Variants in CDH18 observed in about 807,000 individuals in gnomAD.
CDH18 encodes the protein cadherin-18.
In CDH18, 31 loss-of-function variants were observed where a neutral mutation model predicts 67.9. The ratio of observed to expected loss-of-function variants is 0.46; its 90% CI spans 0.34 to 0.62. CDH18 has a LOEUF of 0.62. Among genes scored for constraint, CDH18 ranks in the 20% least tolerant of loss-of-function variants. The pLI is 0.01. For synonymous variants in CDH18, 362 were observed against 347.2 expected, an observed-to-expected ratio of 1.04 and a Z score of -0.48; for missense variants, 890 against 975.5, an observed-to-expected ratio of 0.91 and a Z score of 1.17.
At chr5:20,271,191 CTT>C (rs911101341) in intron 1 of CDH18, among the ~76,000 whole-genome samples, 1 of 151,918 alleles carries the variant, frequency 6.6e-6, no homozygotes, top group African/African-American at 2.4e-5. Context: ...AAGGAGGAAA[CTT>C]ATTTTTTCAC....
intron 1 of CDH18, among the ~76,000 whole-genome samples, chr5:20,414,098 T>A (rs1747060298): frequency 6.6e-6 from 1 of 152,180 alleles, no homozygotes; most frequent in Non-Finnish European, 1.5e-5. Flanking sequence ...TTACTGGAGA[T>A]GGAAATTAGT....
At chr5:19,590,308 T>G (rs1013737511) in intron 7 of CDH18, among the ~76,000 whole-genome samples, 14 of 152,130 alleles carry the variant, frequency 9.2e-5, no homozygotes, top group Non-Finnish European at 1.9e-4. Flanking sequence ...TGGTGATTAT[T>G]GTTCTCTAAG....
chr5:19,674,159 C>A (rs551211232), intron 5 of CDH18, among the ~76,000 whole-genome samples: 1 of 152,046 alleles, frequency 6.6e-6, no homozygotes, highest in East Asian at 1.9e-4. Flanking sequence ...AAGGACCAAA[C>A]TTAATGGATA....
chr5:19,797,421 T>G (rs1776974972), intron 3 of CDH18, among the ~76,000 whole-genome samples: 1 of 151,960 alleles, frequency 6.6e-6, no homozygotes, highest in South Asian at 2.1e-4. Context: ...TTATTTTCCA[T>G]GTAGCAAATC....
intron 2 of CDH18, among the ~76,000 whole-genome samples, chr5:20,183,412 A>C (rs1214169349): frequency 6.6e-6 from 1 of 152,094 alleles, no homozygotes. Flanking sequence ...TTGACTAATA[A>C]AATTTTAATA....
rs559422640 is a variant in CDH18, at chr5:19,743,746, C to A, written c.523+3196G>T. ...GACCAGCCTGGCCAACATGGCAAGACCCCGTCTCTACTAAAATTACAAACT... is the reference window on the plus strand; with the variant it reads ...GACCAGCCTGGCCAACATGGCAAGAACCCGTCTCTACTAAAATTACAAACT... On this transcript the variant is annotated intron_variant, in intron 4 of 12. Coordinates refer to ENST00000382275, the MANE Select transcript of CDH18 (RefSeq NM_004934.5). 9.2e-5 allele frequency among the ~76,000 whole-genome samples: 14 copies of A among 152,044 alleles called. No individual in the cohort carries two copies. In the East Asian group the frequency reaches 2.5e-3, roughly 27 times the overall value.
chr5:19,696,708 G>A (rs1762587821), intron 5 of CDH18, among the ~76,000 whole-genome samples: 1 of 152,060 alleles, frequency 6.6e-6, no homozygotes. Context: ...ATATTTTTCA[G>A]TTGAATCCTG....
chr5:19,663,131 A>C (rs531515695), intron 5 of CDH18, among the ~76,000 whole-genome samples: 126 of 152,118 alleles, frequency 8.3e-4, no homozygotes, highest in Non-Finnish European at 1.6e-3. Flanking sequence ...AAAGATAATA[A>C]AATTAATGCT....
chr5:20,042,308 T>C (rs1443947538), intron 2 of CDH18, among the ~76,000 whole-genome samples: 2 of 152,244 alleles, frequency 1.3e-5, no homozygotes, highest in Non-Finnish European at 2.9e-5. Context: ...CAGAACAGCA[T>C]TCTCTGAATT....
intron 7 of CDH18, among the ~76,000 whole-genome samples, chr5:19,577,101 A>T (rs10036178): frequency 0.037 from 5,692 of 152,222 alleles, 307 homozygotes; most frequent in African/African-American, 0.12. Context: ...AGAGGTGAGT[A>T]GGAAAAGGGG....
rs186700960 is a variant in CDH18, at chr5:19,722,644, T to C, written c.524-1178A>G. Among the ~76,000 whole-genome samples the C allele has an allele frequency of 6.6e-5, 10 of 151,870 alleles. No individual in the cohort carries two copies. In the East Asian group the frequency reaches 1.6e-3, roughly 24 times the overall value. On this transcript the variant is annotated intron_variant, in intron 4 of 12. Coordinates refer to ENST00000382275, the MANE Select transcript of CDH18 (RefSeq NM_004934.5). ...ATATATTAAGGGATATACAGCTTCATTGCAGAATTAGTGGGTAAGAATGCT... is the reference window on the plus strand; with the variant it reads ...ATATATTAAGGGATATACAGCTTCACTGCAGAATTAGTGGGTAAGAATGCT...
At chr5:20,505,953 GCCTGGTC>G (rs553954868) in intron 1 of CDH18, among the ~76,000 whole-genome samples, 73 of 152,248 alleles carry the variant, frequency 4.8e-4, no homozygotes, top group African/African-American at 1.7e-3. Context: ...CATGTGCTAT[GCCTGGTC>G]CCTGTGGCTT....
chr5:20,154,499 G>C (rs1751371497), intron 2 of CDH18, among the ~76,000 whole-genome samples: 1 of 151,830 alleles, frequency 6.6e-6, no homozygotes, highest in Admixed American at 6.6e-5. Flanking sequence ...AATTGCTTTT[G>C]GAGACAAAAC....
chr5:19,817,293 T>A (rs772919221), intron 3 of CDH18, among the ~76,000 whole-genome samples: 1 of 151,984 alleles, frequency 6.6e-6, no homozygotes, highest in African/African-American at 2.4e-5. Flanking sequence ...TACTGCAACA[T>A]CTATGGAGGA....
At chr5:19,753,422 T>G (rs1372807032) in intron 3 of CDH18, among the ~76,000 whole-genome samples, 4 of 152,074 alleles carry the variant, frequency 2.6e-5, no homozygotes, top group Non-Finnish European at 5.9e-5. Flanking sequence ...ATTCAACAAG[T>G]AGAAGAAAGA....
intron 2 of CDH18, among the ~76,000 whole-genome samples, chr5:20,127,067 G>A (rs1254637365): frequency 6.6e-6 from 1 of 152,156 alleles, no homozygotes; most frequent in East Asian, 1.9e-4. Context: ...ATCTCACATA[G>A]AATTGCAATC....
intron 2 of CDH18, among the ~76,000 whole-genome samples, chr5:20,184,511 T>C (rs1737942215): frequency 6.6e-6 from 1 of 152,126 alleles, no homozygotes. Flanking sequence ...TGCCTCTGCA[T>C]ATCACTGTTT....
intron 1 of CDH18, among the ~76,000 whole-genome samples, chr5:20,558,241 AAG>A (rs2126639812): frequency 6.6e-6 from 1 of 152,240 alleles, no homozygotes; most frequent in South Asian, 2.1e-4. Flanking sequence ...GAATAGGACA[AAG>A]AGGTAAAAAT....
intron 2 of CDH18, among the ~76,000 whole-genome samples, chr5:19,972,185 G>C (rs2150338927): frequency 6.6e-6 from 1 of 152,130 alleles, no homozygotes; most frequent in South Asian, 2.1e-4. Context: ...TTTTAGCACA[G>C]CCTTTGTTTT....
Sources: allele counts gnomAD v4.1 joint callset (sites outside exome capture counted in the v4.1 genomes callset), GRCh38; gene constraint gnomAD v4.1.1; transcripts MANE v1.5; gene names NCBI Gene and HGNC (gene_info 2026-07-23, HGNC 2026-07-21).